AEBP2: variants seen among roughly 807,000 people sequenced by gnomAD.
AEBP2 encodes the protein zinc finger protein AEBP2.
Under a neutral mutation model 50.8 loss-of-function variants are expected in AEBP2, and 10 were observed. That is an observed-to-expected ratio of 0.20 (90% CI 0.12 to 0.33). The LOEUF is 0.33. Ranked by LOEUF, AEBP2 falls within the 10% of genes least tolerant of loss-of-function variation. The probability of loss-of-function intolerance (pLI) is 1.00; values close to 1 mark genes in which losing one functional copy is unlikely to be tolerated. For synonymous variants in AEBP2, 296 were observed against 261.3 expected (o/e 1.13, Z -1.28); for missense variants, 570 against 688.0 (o/e 0.83, Z 1.92).
intron 1 of AEBP2, among the ~76,000 whole-genome samples, chr12:19,454,329 A>T (rs1592728868): frequency 6.6e-6 from 1 of 152,290 alleles, no homozygotes; most frequent in South Asian, 2.1e-4. Context: ...TGAACTCTTA[A>T]TACTGTTTTA....
At chr12:19,466,194 C>T (rs368138566) in intron 2 of AEBP2, among the ~76,000 whole-genome samples, 44 of 152,096 alleles carry the variant, frequency 2.9e-4, no homozygotes, top group African/African-American at 1.0e-3. Context: ...AAAACATTTT[C>T]GGCTGGTCAC....
At chr12:19,435,166 G>A (rs1215551383), upstream of AEBP2, among the ~76,000 whole-genome samples, 1 of 144,920 alleles carries the variant, frequency 6.9e-6, no homozygotes, top group African/African-American at 2.6e-5. Context: ...GTCTCACTCT[G>A]TCACCCAGGC....
chr12:19,434,951 G>T (rs538515718), upstream of AEBP2, among the ~76,000 whole-genome samples: 14 of 152,158 alleles, frequency 9.2e-5, no homozygotes, highest in East Asian at 2.7e-3. Context: ...TTTGATACTT[G>T]CCATTTCCAT....
chr12:19,407,982 C>T (rs1346188299), intron 1 of AEBP2, among the ~76,000 whole-genome samples: 1 of 150,202 alleles, frequency 6.7e-6, no homozygotes, highest in Non-Finnish European at 1.5e-5. Flanking sequence ...ACCCCGGAGG[C>T]GGAGGTTATA....
chr12:19,459,731 A>G (rs1948338994), intron 1 of AEBP2, among the ~76,000 whole-genome samples: 1 of 152,176 alleles, frequency 6.6e-6, no homozygotes, highest in African/African-American at 2.4e-5. Flanking sequence ...ATCTATATTG[A>G]CTAGGCAGGT....
chr12:19,440,843 C>G (rs1178864932), intron 1 of AEBP2: 2 of 1,298,578 alleles, frequency 1.5e-6, no homozygotes, highest in African/African-American at 1.5e-5. Context: ...TGGGAGAGAC[C>G]CCAGCTATCA....
intron 1 of AEBP2, among the ~76,000 whole-genome samples, chr12:19,443,669 G>A (rs140026381): frequency 0.048 from 7,324 of 152,122 alleles, 390 homozygotes; most frequent in Admixed American, 0.15. Flanking sequence ...GTTACAGTGA[G>A]CTGAGATTGC....
chr12:19,437,118 C>T (rs913709214), upstream of AEBP2, among the ~76,000 whole-genome samples: 1 of 152,162 alleles, frequency 6.6e-6, no homozygotes, highest in Admixed American at 6.5e-5. Flanking sequence ...TGCTCTATAC[C>T]TGGGTGTGGA....
At chr12:19,472,645 C>T (rs915289526) in intron 2 of AEBP2, among the ~76,000 whole-genome samples, 8 of 152,014 alleles carry the variant, frequency 5.3e-5, no homozygotes, top group African/African-American at 1.9e-4. Flanking sequence ...CTCTCTATGT[C>T]ATAATCGAGA....
Position 19,440,550 on chromosome 12 carries a change from G to A in AEBP2, c.671+180G>A, listed in dbSNP as rs1592715327. 1.1e-5 allele frequency: 15 copies of A among 1,374,198 alleles called. No individual in the cohort carries two copies. In the East Asian group the frequency reaches 4.0e-4, roughly 37 times the overall value. The allele number at this position is 1,374,198 out of a possible 1,614,324, so 85.1% of individuals were successfully genotyped here. On this transcript the variant is annotated intron_variant, in intron 1 of 7. Coordinates refer to ENST00000266508, the MANE Select transcript of AEBP2 (RefSeq NM_153207.5). ...CGCCGCGCCCCTCTCGCAGCGCATCGCGGCTTCCAACTCTCAAACCGTTCC... is the reference window on the plus strand; with the variant it reads ...CGCCGCGCCCCTCTCGCAGCGCATCACGGCTTCCAACTCTCAAACCGTTCC...
chr12:19,502,267 C>G (rs1043466258), intron 5 of AEBP2, among the ~76,000 whole-genome samples: 12 of 151,508 alleles, frequency 7.9e-5, no homozygotes, highest in African/African-American at 1.9e-4. Flanking sequence ...CCCGAGTAGC[C>G]GGATTACAGG....
chr12:19,515,076 G>A (rs1949299491), intron 7 of AEBP2, among the ~76,000 whole-genome samples: 1 of 152,016 alleles, frequency 6.6e-6, no homozygotes, highest in African/African-American at 2.4e-5. Context: ...CCTTTAACAA[G>A]GTAATTCTTT....
upstream of AEBP2, among the ~76,000 whole-genome samples, chr12:19,436,587 CTTT>C (rs111566734): frequency 2.4e-4 from 34 of 139,924 alleles, no homozygotes; most frequent in South Asian, 7.8e-3. Flanking sequence ...TTTCTTTTTT[CTTT>C]TTTTTTTGGG....
chr12:19,439,804 C>T lies in AEBP2; in HGVS notation c.105C>T (p.Pro35=). 5 of 1,511,252 alleles carry T rather than the reference C, an allele frequency of 3.3e-6. No homozygotes were observed. Among genetic ancestry groups the T allele is most frequent in the South Asian group, 1.2e-5 (1 of 82,646 alleles). 93.6% of individuals were successfully genotyped at this position (1,511,252 alleles called of 1,614,324 possible). Residue 35 remains proline, a synonymous_variant, in exon 1 of 8, where the codon CCC becomes CCT. Transcript: ENST00000266508. ...PGSAARGRAE[P]PEEEEEEEEE... ...CGGCGGCGCGGGGCCGGGCTGAGCCCCCCGAGGAGGAGGAGGAAGAGGAGG... is the reference window on the plus strand; with the variant it reads ...CGGCGGCGCGGGGCCGGGCTGAGCCTCCCGAGGAGGAGGAGGAAGAGGAGG...
At chr12:19,487,935 G>A (rs1384764957) in intron 3 of AEBP2, among the ~76,000 whole-genome samples, 1 of 151,996 alleles carries the variant, frequency 6.6e-6, no homozygotes, top group East Asian at 1.9e-4. Context: ...TTTGTGGTGC[G>A]CAAGATGAAG....
chr12:19,465,022 C>G (rs914348867), intron 2 of AEBP2, among the ~76,000 whole-genome samples: 1 of 152,076 alleles, frequency 6.6e-6, no homozygotes, highest in East Asian at 1.9e-4. Context: ...AATGAAAAAT[C>G]TCCCATGTGA....
At position 19,519,831 on chromosome 12, in the gene AEBP2, T is replaced by C. The variant is rs1949373381; in HGVS notation, c.*1714T>C. On this transcript the variant is annotated 3_prime_UTR_variant, in exon 8 of 8. Transcript: ENST00000266508. ...GGGTAAAGAGCTATATACATGAAAA[T>C]GAGTCTTATAAAATTAAGTGAAGTG... 1 of 152,390 alleles carries C rather than the reference T, an allele frequency of 6.6e-6. No homozygotes were observed. The highest frequency in any genetic ancestry group is 1.5e-5 in the Non-Finnish European group (1 of 67,956). The allele number at this position is 152,390 out of a possible 1,614,324, so 9.4% of individuals were successfully genotyped here. A position where few individuals can be genotyped will look rare whatever the true frequency, so the allele number is the denominator to read the frequency against.
At chr12:19,434,139 C>T (rs2095753014) in intron 1 of AEBP2, among the ~76,000 whole-genome samples, 2 of 151,704 alleles carry the variant, frequency 1.3e-5, no homozygotes, top group Admixed American at 1.3e-4. Flanking sequence ...GCCACTGCGC[C>T]CAGCCAACTC....
chr12:19,442,939 A>G (rs981206650), intron 1 of AEBP2, among the ~76,000 whole-genome samples: 2 of 152,196 alleles, frequency 1.3e-5, no homozygotes, highest in African/African-American at 4.8e-5. Context: ...CAGTGGAAGG[A>G]TAATCTTAGT....
Sources: allele counts gnomAD v4.1 joint callset (sites outside exome capture counted in the v4.1 genomes callset), GRCh38; gene constraint gnomAD v4.1.1; transcripts MANE v1.5; gene names NCBI Gene and HGNC (gene_info 2026-07-23, HGNC 2026-07-21).